Variants in OSBPL10 observed in about 807,000 individuals in gnomAD.
OSBPL10 encodes the protein oxysterol binding protein like 10, also known as oxysterol-binding protein-related protein 10.
Under a neutral mutation model 81.7 loss-of-function variants are expected in OSBPL10, and 49 were observed. The ratio of observed to expected loss-of-function variants is 0.60; its 90% confidence interval spans 0.48 to 0.76. OSBPL10 has a LOEUF of 0.76. Among genes scored for constraint, OSBPL10 ranks in the 30% least tolerant of loss-of-function variants. The probability of loss-of-function intolerance (pLI) is 0.00; values close to 1 mark genes in which losing one functional copy is unlikely to be tolerated. For missense variants in OSBPL10, 923 were observed against 987.8 expected (o/e 0.93, Z 0.88); for synonymous variants, 419 against 383.6 (o/e 1.09, Z -1.08).
intron 7 of OSBPL10, among the ~76,000 whole-genome samples, chr3:31,687,791 G>T (rs192961585): frequency 1.3e-5 from 2 of 152,106 alleles, no homozygotes; most frequent in East Asian, 3.9e-4. Context: ...AGAGGGGGAA[G>T]AGCCAGGTAT....
At chr3:31,811,944 A>G (rs75242602) in intron 4 of OSBPL10, among the ~76,000 whole-genome samples, 25,930 of 152,228 alleles carry the variant, frequency 0.17, 2,689 homozygotes, top group Non-Finnish European at 0.23. Context: ...TTAAAGAAAT[A>G]GAGTTATCAC....
At position 31,668,683 on chromosome 3, in the gene OSBPL10, C is replaced by T. The variant is rs761141122; in HGVS notation, c.2055G>A (p.Lys685=). 6.2e-7 allele frequency: 1 copy of T among 1,614,112 alleles called. No individual in the cohort carries two copies. Among genetic ancestry groups the T allele is most frequent in the South Asian group, 1.1e-5 (1 of 91,068 alleles). Residue 685 remains lysine (K), a synonymous_variant, in exon 10 of 12, where the codon AAG becomes AAA. Transcript: ENST00000396556. ...IDTTTLPVYP[K]KIRPLEKQGP... The stretch of plus-strand genomic sequence containing the variant: ...CCTGCTTCTCAAGAGGTCTGATCTT[C>T]TTGGGATACACTGGCAGTGTGGTTG...
At chr3:31,824,613 G>A (rs957686597) in intron 4 of OSBPL10, among the ~76,000 whole-genome samples, 12 of 152,130 alleles carry the variant, frequency 7.9e-5, no homozygotes, top group Non-Finnish European at 1.5e-4. Flanking sequence ...GTTCTCCATC[G>A]AAAGACCCGC....
At chr3:31,733,685 GTTTTTTTT>G (rs372305256) in intron 5 of OSBPL10, among the ~76,000 whole-genome samples, 67 of 91,776 alleles carry the variant, frequency 7.3e-4, no homozygotes, top group Admixed American at 7.0e-3. Context: ...AGATAAAGGT[GTTTTTTTT>G]TTTTTTTTTT....
At chr3:31,982,209 C>G (rs952953927), upstream of OSBPL10, among the ~76,000 whole-genome samples, 1 of 152,182 alleles carries the variant, frequency 6.6e-6, no homozygotes, top group South Asian at 2.1e-4. Flanking sequence ...GAAGGATTCT[C>G]TGTGTTGGCT....
intron 5 of OSBPL10, among the ~76,000 whole-genome samples, chr3:31,739,316 G>T (rs1370293933): frequency 6.6e-6 from 1 of 152,056 alleles, no homozygotes; most frequent in Non-Finnish European, 1.5e-5. Context: ...AGGGAGAAAG[G>T]AAGGAAGAAA....
intron 10 of OSBPL10, 141 bp downstream of exon 10, chr3:31,668,501 A>G: frequency 1.3e-6 from 1 of 745,856 alleles, no homozygotes; most frequent in Non-Finnish European, 2.0e-6. Context: ...GTAGAAAATT[A>G]AAATATCTAA....
At chr3:31,993,270 C>A (rs1699054062) in intron 2 of OSBPL10, among the ~76,000 whole-genome samples, 1 of 151,336 alleles carries the variant, frequency 6.6e-6, no homozygotes, top group African/African-American at 2.4e-5. Flanking sequence ...AGTGCAATGG[C>A]ACGATCTCAG....
At chr3:32,075,831 A>C (rs1416962611) in intron 1 of OSBPL10, among the ~76,000 whole-genome samples, 1 of 152,224 alleles carries the variant, frequency 6.6e-6, no homozygotes, top group South Asian at 2.1e-4. Flanking sequence ...CTGCACATAT[A>C]CATCCAGATG....
intron 4 of OSBPL10, among the ~76,000 whole-genome samples, chr3:31,775,250 C>G (rs1321991293): frequency 6.6e-6 from 1 of 151,986 alleles, no homozygotes; most frequent in Non-Finnish European, 1.5e-5. Flanking sequence ...GTGAGTACAG[C>G]CAAGTGAGAA....
At chr3:32,075,643 C>A (rs1699868277) in intron 1 of OSBPL10, among the ~76,000 whole-genome samples, 1 of 152,164 alleles carries the variant, frequency 6.6e-6, no homozygotes, top group South Asian at 2.1e-4. Flanking sequence ...TCCACACAGC[C>A]CCTAATCCCG....
chr3:31,735,507 T>TGGCTTTGCTCTGTGACCTGCCC (rs1344663953), intron 5 of OSBPL10, among the ~76,000 whole-genome samples: 1 of 152,222 alleles, frequency 6.6e-6, no homozygotes, highest in Non-Finnish European at 1.5e-5. Flanking sequence ...CTAAGCTGCC[T>TGGCTTTGCTCTGTGACCTGCCC]GGCTTTGCTC....
chr3:31,830,745 T>A (rs1418868056), intron 3 of OSBPL10, among the ~76,000 whole-genome samples: 1 of 152,246 alleles, frequency 6.6e-6, no homozygotes, highest in Non-Finnish European at 1.5e-5. Flanking sequence ...TTCATGCTCA[T>A]CTTTATATCC....
At chr3:32,046,391 C>T (rs1041728801) in intron 2 of OSBPL10, 1 of 152,210 alleles carries the variant, frequency 6.6e-6, no homozygotes, top group South Asian at 2.1e-4. Context: ...CACCTTTAGA[C>T]TCCAAGTTCA....
At chr3:31,768,678 C>A (rs1318547296) in intron 4 of OSBPL10, among the ~76,000 whole-genome samples, 1 of 152,164 alleles carries the variant, frequency 6.6e-6, no homozygotes, top group Non-Finnish European at 1.5e-5. Context: ...CACTGGCTCC[C>A]TTCCTAGGCT....
chr3:31,705,814 C>T (rs1696046619), intron 6 of OSBPL10, among the ~76,000 whole-genome samples: 1 of 152,168 alleles, frequency 6.6e-6, no homozygotes, highest in South Asian at 2.1e-4. Flanking sequence ...TAACAACTCT[C>T]TCAAGGTCAT....
intron 3 of OSBPL10, among the ~76,000 whole-genome samples, chr3:31,874,070 T>G (rs1347844091): frequency 6.6e-6 from 1 of 152,068 alleles, no homozygotes; most frequent in Non-Finnish European, 1.5e-5. Context: ...AACCAGAGAA[T>G]ATATCAGGAA....
chr3:31,756,671 G>T (rs757753477), intron 4 of OSBPL10, among the ~76,000 whole-genome samples: 10 of 152,142 alleles, frequency 6.6e-5, no homozygotes, highest in African/African-American at 2.2e-4. Context: ...TAACCCAATG[G>T]GGGTAAAAGA....
intron 1 of OSBPL10, among the ~76,000 whole-genome samples, chr3:31,934,778 T>C (rs553975367): frequency 1.3e-5 from 2 of 152,010 alleles, no homozygotes; most frequent in Non-Finnish European, 2.9e-5. Flanking sequence ...GGAAAAAAAA[T>C]TGGATATCCA....
Sources: gnomAD v4.1 joint callset for allele counts (sites outside exome capture counted in the v4.1 genomes callset) on GRCh38, gnomAD v4.1.1 for gene constraint, MANE v1.5 for transcripts, NCBI Gene and HGNC (gene_info 2026-07-23, HGNC 2026-07-21) for gene names.